DENND1B: variants seen among roughly 807,000 people sequenced by gnomAD.
DENND1B encodes DENN domain-containing protein 1B.
DENND1B carries 59 observed loss-of-function variants against 90.1 expected under a neutral mutation model. The ratio of observed to expected loss-of-function variants is 0.65; its 90% CI spans 0.53 to 0.81. DENND1B has a LOEUF of 0.81. Among genes scored for constraint, DENND1B ranks in the 40% least tolerant of loss-of-function variants. The pLI is 0.00. For synonymous variants in DENND1B, 337 were observed against 324.6 expected (o/e 1.04, Z -0.41); for missense variants, 862 against 912.6 (o/e 0.94, Z 0.71).
At chr1:197,513,135 A>G (rs2287537) in intron 20 of DENND1B, among the ~76,000 whole-genome samples, 182 bp from the exon 21 acceptor site, 78,224 of 150,290 alleles carry the variant, frequency 0.52, 21,048 homozygotes, top group East Asian at 0.66. Context: ...GCAATAAGGT[A>G]TATTTATCTC....
chr1:197,527,392 C>T (rs1310575593), intron 20 of DENND1B, among the ~76,000 whole-genome samples: 1 of 149,794 alleles, frequency 6.7e-6, no homozygotes, highest in Admixed American at 6.7e-5. Flanking sequence ...AAGTGATTCT[C>T]CTGCCTCAGC....
At chr1:197,652,366 C>A in intron 6 of DENND1B, 51 bp from the exon 7 acceptor site, 1 of 1,404,762 alleles carries the variant, frequency 7.1e-7, no homozygotes, top group Non-Finnish European at 9.8e-7. Context: ...TACCAAGCAA[C>A]TGCAATTAAA....
At chr1:197,658,430 A>T in intron 5 of DENND1B, 61 bp from the exon 6 acceptor site, 1 of 1,135,654 alleles carries the variant, frequency 8.8e-7, no homozygotes, top group Admixed American at 1.9e-5. Context: ...AACAGACAAT[A>T]TAAACATTTA....
intron 3 of DENND1B, chr1:197,689,534 A>G (rs775303259): frequency 6.5e-6 from 1 of 152,804 alleles, no homozygotes; most frequent in East Asian, 1.9e-4. Flanking sequence ...TCCAAGAATG[A>G]GCAGACTCAT....
chr1:197,627,777 A>T (rs1182303024), intron 10 of DENND1B, among the ~76,000 whole-genome samples: 1 of 151,972 alleles, frequency 6.6e-6, no homozygotes, highest in African/African-American at 2.4e-5. Context: ...TATATAGAAA[A>T]CCCCATTGTC....
intron 2 of DENND1B, among the ~76,000 whole-genome samples, chr1:197,722,960 A>T: frequency 6.6e-6 from 1 of 152,200 alleles, no homozygotes; most frequent in East Asian, 1.9e-4. Flanking sequence ...GGAAAATCAA[A>T]CTAGCACTTT....
chr1:197,717,235 T>C (rs945596250), intron 2 of DENND1B, among the ~76,000 whole-genome samples: 2 of 151,912 alleles, frequency 1.3e-5, no homozygotes, highest in African/African-American at 4.8e-5. Flanking sequence ...AATAATCCGA[T>C]TCAACAACTT....
intron 5 of DENND1B, among the ~76,000 whole-genome samples, chr1:197,671,358 C>T (rs1655485289): frequency 6.6e-6 from 1 of 152,114 alleles, no homozygotes; most frequent in South Asian, 2.1e-4. Context: ...AGGAGACATA[C>T]TCTAAACTAC....
In DENND1B at chr1:197,505,373, G is replaced by C. The variant is rs1023762414; in HGVS notation, c.*5087C>G. The C allele has an allele frequency of 6.7e-6, 1 of 150,022 alleles. No homozygotes were observed. Among genetic ancestry groups the C allele is most frequent in the Non-Finnish European group, 1.5e-5 (1 of 67,196 alleles). The allele number at this position is 150,022 out of a possible 1,614,324, so 9.3% of individuals were successfully genotyped here. ...AGATTTGATAATGGACCTCAACAAG[G>C]CTCACATTTGAGAAATGAAATAACA... On this transcript the variant is annotated 3_prime_UTR_variant, in exon 23 of 23. Coordinates refer to ENST00000620048, the MANE Select transcript of DENND1B (RefSeq NM_001195215.2).
intron 10 of DENND1B, among the ~76,000 whole-genome samples, chr1:197,635,969 A>C (rs10442660): frequency 0.19 from 29,202 of 151,252 alleles, 2,898 homozygotes; most frequent in Non-Finnish European, 0.2. Context: ...CTGACTGAAC[A>C]AGATTAAAAA....
At chr1:197,672,275 TTG>T in intron 4 of DENND1B, 119 bp from the exon 5 acceptor site, 1 of 1,229,280 alleles carries the variant, frequency 8.1e-7, no homozygotes, top group Non-Finnish European at 1.1e-6. Context: ...CAGTTGGTTC[TTG>T]AAGCTAGAAC....
At chr1:197,602,717 ATAACT>A (rs1305975093) in intron 13 of DENND1B, among the ~76,000 whole-genome samples, 1 of 151,496 alleles carries the variant, frequency 6.6e-6, no homozygotes, top group East Asian at 1.9e-4. Context: ...ATTTGCTTAC[ATAACT>A]TAATATTTTT....
intron 2 of DENND1B, among the ~76,000 whole-genome samples, chr1:197,749,400 G>C (rs1369912935): frequency 4.7e-5 from 7 of 150,448 alleles, no homozygotes; most frequent in African/African-American, 1.5e-4. Flanking sequence ...CTTAAAAGCA[G>C]ACAAAGGAAA....
intron 3 of DENND1B, among the ~76,000 whole-genome samples, chr1:197,680,735 T>C (rs913375279): frequency 2.6e-5 from 4 of 152,096 alleles, no homozygotes; most frequent in Non-Finnish European, 5.9e-5. Context: ...CACACACACA[T>C]TAGGCAGCAT....
chr1:197,647,817 G>A (rs1475125329), intron 7 of DENND1B, among the ~76,000 whole-genome samples: 1 of 151,734 alleles, frequency 6.6e-6, no homozygotes. Context: ...GTTTGGTGGT[G>A]GGCGCCTGTA....
rs571997470 is a variant in DENND1B at position 197,701,661 on chromosome 1, C to T, written c.126+13370G>A. Among the ~76,000 whole-genome samples, 40 of 152,170 alleles carry T rather than the reference C, an allele frequency of 2.6e-4. 1 individual carries two copies. The highest frequency in any genetic ancestry group is 5.6e-4 in the Non-Finnish European group (38 of 67,996). The stretch of plus-strand genomic sequence containing the variant: ...GTCCAATCTTCCTTCTCCTAACAGA[C>T]TTCTGGAGGGCAAGAACCACATCGT... On this transcript the variant is annotated intron_variant, in intron 3 of 22. Coordinates refer to ENST00000620048, the MANE Select transcript of DENND1B (RefSeq NM_001195215.2).
chr1:197,654,375 G>A (rs995972007), intron 6 of DENND1B, among the ~76,000 whole-genome samples: 1 of 152,114 alleles, frequency 6.6e-6, no homozygotes, highest in Non-Finnish European at 1.5e-5. Flanking sequence ...ACTTTGGGGG[G>A]CTGAGGTGGG....
chr1:197,780,674 T>G (rs1657405896), upstream of DENND1B, among the ~76,000 whole-genome samples: 1 of 152,324 alleles, frequency 6.6e-6, no homozygotes, highest in East Asian at 1.9e-4. Flanking sequence ...CTTGATTGCC[T>G]GCTCTTCAAT....
At chr1:197,763,269 C>A (rs963314261) in intron 2 of DENND1B, among the ~76,000 whole-genome samples, 4 of 152,144 alleles carry the variant, frequency 2.6e-5, no homozygotes, top group Non-Finnish European at 4.4e-5. Context: ...AATTTTGTCA[C>A]TTCTTTTTAT....
Sources: gnomAD v4.1 joint callset for allele counts (sites outside exome capture counted in the v4.1 genomes callset) on GRCh38, gnomAD v4.1.1 for gene constraint, MANE v1.5 for transcripts, NCBI Gene and HGNC (gene_info 2026-07-23, HGNC 2026-07-21) for gene names.